The following PPP2R5E variants were observed in gnomAD, a reference collection of about 807,000 sequenced individuals.
PPP2R5E encodes protein phosphatase 2 regulatory subunit B'epsilon.
PPP2R5E carries 4 observed loss-of-function variants against 65.3 expected under a neutral mutation model. The ratio of observed to expected loss-of-function variants is 0.06; its 90% confidence interval spans 0.03 to 0.14. The LOEUF (loss-of-function observed/expected upper bound fraction) is 0.14. Among genes scored for constraint, PPP2R5E ranks in the 10% least tolerant of loss-of-function variants. PPP2R5E has a pLI of 1.00. For synonymous variants in PPP2R5E, 183 were observed against 187.4 expected (o/e 0.98, Z 0.19); for missense variants, 274 against 556.1 (o/e 0.49, Z 5.10).
chr14:63,450,140 T>C (rs968753904), intron 3 of PPP2R5E, among the ~76,000 whole-genome samples: 1 of 152,168 alleles, frequency 6.6e-6, no homozygotes, highest in Non-Finnish European at 1.5e-5. Context: ...CCTCCCAAAG[T>C]GCTAGGATTA....
intron 3 of PPP2R5E, among the ~76,000 whole-genome samples, chr14:63,440,061 G>A (rs951750840): frequency 1.3e-5 from 2 of 152,152 alleles, no homozygotes; most frequent in African/African-American, 4.8e-5. Flanking sequence ...GTAAGGTATC[G>A]CCACGCCAAT....
chr14:63,516,632 C>T (rs1185544239), intron 2 of PPP2R5E, among the ~76,000 whole-genome samples: 1 of 152,188 alleles, frequency 6.6e-6, no homozygotes, highest in East Asian at 1.9e-4. Context: ...GTATTTCCTA[C>T]ATTTGGCAAC....
At chr14:63,507,187 G>A (rs1334236922) in intron 2 of PPP2R5E, among the ~76,000 whole-genome samples, 1 of 152,190 alleles carries the variant, frequency 6.6e-6, no homozygotes, top group Non-Finnish European at 1.5e-5. Flanking sequence ...AGCACTAAAG[G>A]ACCATCAGTG....
chr14:63,522,397 G>A (rs1223315556), intron 2 of PPP2R5E, among the ~76,000 whole-genome samples: 1 of 151,340 alleles, frequency 6.6e-6, no homozygotes, highest in Non-Finnish European at 1.5e-5. Context: ...GTCTCTGCCT[G>A]GCCGCCCATC....
chr14:63,522,417 G>A (rs1431489426), intron 2 of PPP2R5E, among the ~76,000 whole-genome samples: 9 of 151,144 alleles, frequency 6.0e-5, no homozygotes, highest in East Asian at 2.0e-4. Flanking sequence ...CATCTGGGAC[G>A]TGAGGAGCCC....
chr14:63,503,503 G>A (rs1035069268), intron 2 of PPP2R5E, among the ~76,000 whole-genome samples: 2 of 152,184 alleles, frequency 1.3e-5, no homozygotes, highest in African/African-American at 4.8e-5. Flanking sequence ...TTTCTCAGGT[G>A]ATTCCTATGC....
chr14:63,471,287 G>A (rs1018380475), intron 2 of PPP2R5E, among the ~76,000 whole-genome samples: 3 of 152,110 alleles, frequency 2.0e-5, no homozygotes, highest in African/African-American at 7.2e-5. Flanking sequence ...ATCCTCTATT[G>A]AAAATATCAT....
chr14:63,469,478 G>A (rs112281389), intron 2 of PPP2R5E, among the ~76,000 whole-genome samples: 3,728 of 152,236 alleles, frequency 0.024, 95 homozygotes, highest in African/African-American at 0.069. Context: ...TGATCACGAG[G>A]TCAGGAGATC....
intron 3 of PPP2R5E, among the ~76,000 whole-genome samples, chr14:63,428,597 T>C (rs530488323): frequency 7.9e-5 from 12 of 152,268 alleles, no homozygotes; most frequent in Middle Eastern, 3.4e-3. Flanking sequence ...GCTCTATTAT[T>C]TTTCAGTACA....
intron 2 of PPP2R5E, among the ~76,000 whole-genome samples, chr14:63,499,203 T>C (rs1891728629): frequency 6.6e-6 from 1 of 152,108 alleles, no homozygotes; most frequent in African/African-American, 2.4e-5. Context: ...AACCAGAGTA[T>C]CTGTAACTAA....
chr14:63,448,206 A>G (rs1217673300), intron 3 of PPP2R5E, among the ~76,000 whole-genome samples: 3 of 151,972 alleles, frequency 2.0e-5, no homozygotes, highest in African/African-American at 7.3e-5. Flanking sequence ...CTGAGGCAGG[A>G]GACTGGTGTG....
chr14:63,494,757 T>G (rs1001393106), intron 2 of PPP2R5E, among the ~76,000 whole-genome samples: 1 of 151,616 alleles, frequency 6.6e-6, no homozygotes, highest in Non-Finnish European at 1.5e-5. Flanking sequence ...TAGCCAAGCA[T>G]GGTGGTGCGT....
At chr14:63,481,218 C>T (rs1424919013) in intron 2 of PPP2R5E, among the ~76,000 whole-genome samples, 1 of 152,070 alleles carries the variant, frequency 6.6e-6, no homozygotes, top group East Asian at 1.9e-4. Flanking sequence ...TAGAATTGGC[C>T]GGGTGTGGTG....
chr14:63,423,259 C>A (rs1234337816), intron 3 of PPP2R5E, among the ~76,000 whole-genome samples: 2 of 152,124 alleles, frequency 1.3e-5, no homozygotes, highest in Non-Finnish European at 2.9e-5. Flanking sequence ...CCACACCCGG[C>A]TAATTTTTGT....
chr14:63,506,320 G>A (rs1475534411), intron 2 of PPP2R5E, among the ~76,000 whole-genome samples: 3 of 152,030 alleles, frequency 2.0e-5, no homozygotes, highest in African/African-American at 4.8e-5. Flanking sequence ...GCATGGTGGC[G>A]GGCGCCTGTA....
chr14:63,520,947 G>C (rs1169930151), intron 2 of PPP2R5E, among the ~76,000 whole-genome samples: 1 of 151,454 alleles, frequency 6.6e-6, no homozygotes, highest in Non-Finnish European at 1.5e-5. Context: ...GCTGAGACAG[G>C]AGAATGGCGT....
At chr14:63,377,193 C>G (rs1437774928) in intron 13 of PPP2R5E, among the ~76,000 whole-genome samples, 1 of 151,910 alleles carries the variant, frequency 6.6e-6, no homozygotes, top group Non-Finnish European at 1.5e-5. Context: ...GATTAACATT[C>G]ATAAATCCAG....
chr14:63,376,802 T>A (rs1347286318), intron 13 of PPP2R5E, among the ~76,000 whole-genome samples: 1 of 152,224 alleles, frequency 6.6e-6, no homozygotes, highest in African/African-American at 2.4e-5. Context: ...GTAAGTTATA[T>A]AAATTCACAT....
chr14:63,379,526 C>T (rs965722211), intron 13 of PPP2R5E, among the ~76,000 whole-genome samples: 1 of 152,216 alleles, frequency 6.6e-6, no homozygotes, highest in East Asian at 1.9e-4. Flanking sequence ...CCTGCCTTGG[C>T]CTCCCAAAGT....
Sources: gnomAD v4.1 joint callset for allele counts (sites outside exome capture counted in the v4.1 genomes callset) on GRCh38, gnomAD v4.1.1 for gene constraint, MANE v1.5 for transcripts, NCBI Gene and HGNC (gene_info 2026-07-23, HGNC 2026-07-21) for gene names.